The following TLK2 variants were observed in gnomAD, a reference collection of about 807,000 sequenced individuals.
The protein encoded by TLK2 is serine/threonine-protein kinase tousled-like 2.
TLK2 carries 6 observed loss-of-function variants against 117.3 expected under a neutral mutation model. The ratio of observed to expected loss-of-function variants is 0.05; its 90% CI spans 0.03 to 0.10. The LOEUF is 0.10. Ranked by LOEUF, TLK2 falls within the 10% of genes least tolerant of loss-of-function variation. The pLI, the probability that TLK2 is intolerant of heterozygous loss-of-function variation, is 1.00. For synonymous variants in TLK2, 257 were observed against 316.7 expected (o/e 0.81, Z 2.00); for missense variants, 299 against 901.2 (o/e 0.33, Z 8.56).
intron 2 of TLK2, among the ~76,000 whole-genome samples, 197 bp downstream of exon 2, chr17:62,481,403 G>A (rs2071630632): frequency 6.6e-6 from 1 of 152,114 alleles, no homozygotes; most frequent in South Asian, 2.1e-4. Context: ...TGTTCTATAT[G>A]GGAATATATG....
chr17:62,537,322 T>C (rs1213728820), intron 7 of TLK2, among the ~76,000 whole-genome samples: 1 of 152,218 alleles, frequency 6.6e-6, no homozygotes, highest in Admixed American at 6.5e-5. Context: ...TGGAATGTTT[T>C]CTTATAGTTA....
chr17:62,539,821 TC>T (rs1358570056), intron 7 of TLK2, among the ~76,000 whole-genome samples: 1 of 152,090 alleles, frequency 6.6e-6, no homozygotes, highest in Non-Finnish European at 1.5e-5. Flanking sequence ...CTCATCTAGT[TC>T]CTTTGTTACT....
chr17:62,594,033 T>TC (rs1177509941), intron 16 of TLK2, among the ~76,000 whole-genome samples: 1 of 151,554 alleles, frequency 6.6e-6, no homozygotes, highest in African/African-American at 2.4e-5. Flanking sequence ...CCTCAAGTGA[T>TC]CCGCCTGCCT....
At chr17:62,558,321 C>T (rs1247686323) in intron 9 of TLK2, among the ~76,000 whole-genome samples, 4 of 152,136 alleles carry the variant, frequency 2.6e-5, no homozygotes, top group African/African-American at 9.7e-5. Flanking sequence ...TGCCACCACA[C>T]ATGGCTAATT....
At chr17:62,514,369 T>C (rs1354955204) in intron 2 of TLK2, among the ~76,000 whole-genome samples, 4 of 151,544 alleles carry the variant, frequency 2.6e-5, no homozygotes, top group African/African-American at 7.3e-5. Flanking sequence ...GGTCTCAAAC[T>C]CCTGACCTCA....
chr17:62,471,934 T>C (rs2070950209), intron 1 of TLK2, among the ~76,000 whole-genome samples: 1 of 121,644 alleles, frequency 8.2e-6, no homozygotes, highest in African/African-American at 2.9e-5. Flanking sequence ...AGTCTTACTC[T>C]GTCGCCTAGG....
intron 10 of TLK2, among the ~76,000 whole-genome samples, chr17:62,563,191 T>C (rs1289431653): frequency 1.3e-5 from 2 of 152,212 alleles, no homozygotes; most frequent in African/African-American, 4.8e-5. Context: ...GTTCCTGCCA[T>C]CAGAGGGTTA....
At chr17:62,590,604 A>C (rs34372896) in intron 16 of TLK2, among the ~76,000 whole-genome samples, 101,354 of 151,354 alleles carry the variant, frequency 0.67, 33,968 homozygotes, top group East Asian at 0.83. Flanking sequence ...ATAGCGATTA[A>C]CCCTCTTAAT....
At chr17:62,474,818 A>G (rs1016525229), upstream of TLK2, among the ~76,000 whole-genome samples, 4 of 147,026 alleles carry the variant, frequency 2.7e-5, no homozygotes, top group African/African-American at 5.0e-5. Flanking sequence ...GAGCCACTAC[A>G]CCTGGCCTCT....
intron 9 of TLK2, among the ~76,000 whole-genome samples, chr17:62,555,483 ATT>A (rs35222378): frequency 5.0e-5 from 7 of 140,586 alleles, no homozygotes; most frequent in Non-Finnish European, 6.3e-5. Flanking sequence ...ATTATTATTA[ATT>A]TTTTTTTTTT....
upstream of TLK2, among the ~76,000 whole-genome samples, chr17:62,478,621 G>C (rs950405035): frequency 6.6e-6 from 1 of 150,936 alleles, no homozygotes; most frequent in South Asian, 2.1e-4. Context: ...GGGGTCCCCT[G>C]GTTAACCCCT....
chr17:62,579,247 G>C (rs1045870931), intron 14 of TLK2, among the ~76,000 whole-genome samples: 8 of 152,176 alleles, frequency 5.3e-5, no homozygotes, highest in African/African-American at 1.4e-4. Context: ...AGAGCTCTCT[G>C]TGTATCAGGC....
intron 2 of TLK2, among the ~76,000 whole-genome samples, chr17:62,506,124 G>A (rs910232784): frequency 6.6e-6 from 1 of 152,160 alleles, no homozygotes. Flanking sequence ...TCATATGTGG[G>A]TTATACCAAA....
chr17:62,531,510 G>T (rs1218409788), intron 6 of TLK2, among the ~76,000 whole-genome samples: 2 of 152,118 alleles, frequency 1.3e-5, no homozygotes, highest in African/African-American at 4.8e-5. Flanking sequence ...AAGCTTTTAT[G>T]AATCTGTTTC....
chr17:62,540,400 A>ATTTTTT (rs534202077), intron 7 of TLK2, among the ~76,000 whole-genome samples: 621 of 19,872 alleles, frequency 0.031, 109 homozygotes, highest in South Asian at 0.21. Flanking sequence ...TATGTTCAGA[A>ATTTTTT]TTTTTTTTTT....
At chr17:62,575,699 T>C (rs1022228005) in intron 12 of TLK2, among the ~76,000 whole-genome samples, 2 of 152,152 alleles carry the variant, frequency 1.3e-5, no homozygotes, top group African/African-American at 4.8e-5. Flanking sequence ...CTTTCTTTTC[T>C]TTTCTTTTCT....
At chr17:62,474,197 G>A (rs764123692), upstream of TLK2, among the ~76,000 whole-genome samples, 29 of 151,614 alleles carry the variant, frequency 1.9e-4, no homozygotes, top group Non-Finnish European at 3.8e-4. Context: ...TCCTGCCTCA[G>A]CCTCCCCAGC....
intron 2 of TLK2, among the ~76,000 whole-genome samples, chr17:62,496,486 C>T (rs113419646): frequency 0.012 from 1,893 of 152,178 alleles, 19 homozygotes; most frequent in Non-Finnish European, 0.017. Context: ...TAGATATGGC[C>T]ACATTCTTCT....
intron 2 of TLK2, among the ~76,000 whole-genome samples, chr17:62,506,249 T>C (rs755408212): frequency 1.3e-5 from 2 of 152,216 alleles, no homozygotes; most frequent in Non-Finnish European, 2.9e-5. Flanking sequence ...TCCAGACAGA[T>C]AGGTAGAACC....
Sources: gnomAD v4.1 joint callset for allele counts (sites outside exome capture counted in the v4.1 genomes callset) on GRCh38, gnomAD v4.1.1 for gene constraint, MANE v1.5 for transcripts, NCBI Gene and HGNC (gene_info 2026-07-23, HGNC 2026-07-21) for gene names.